ST6GALNAC3: variants seen among roughly 807,000 people sequenced by gnomAD.
ST6GALNAC3 encodes the protein alpha-N-acetylgalactosaminide alpha-2,6-sialyltransferase 3.
In ST6GALNAC3, 25 loss-of-function variants were observed where a neutral mutation model predicts 32.7. That is an observed-to-expected ratio of 0.76 (90% CI 0.56 to 1.07). The LOEUF is 1.07. Ranked by LOEUF, ST6GALNAC3 falls within the 50% of genes least tolerant of loss-of-function variation. ST6GALNAC3 has a pLI of 0.00. For synonymous variants in ST6GALNAC3, 129 were observed against 133.1 expected (o/e 0.97, Z 0.21); for missense variants, 355 against 382.4 (o/e 0.93, Z 0.60).
At chr1:76,188,987 C>T (rs898650301) in intron 1 of ST6GALNAC3, among the ~76,000 whole-genome samples, 5 of 152,164 alleles carry the variant, frequency 3.3e-5, no homozygotes, top group Non-Finnish European at 1.5e-5. Context: ...GGTGGCCACA[C>T]AGGGTCAGAG....
At chr1:76,556,952 G>A (rs1330137388) in intron 3 of ST6GALNAC3, among the ~76,000 whole-genome samples, 6 of 151,958 alleles carry the variant, frequency 3.9e-5, no homozygotes, top group African/African-American at 1.2e-4. Context: ...CTAATCCAAA[G>A]TAAGGAGTAT....
At chr1:76,567,043 A>C (rs1000129876) in intron 3 of ST6GALNAC3, among the ~76,000 whole-genome samples, 11 of 152,314 alleles carry the variant, frequency 7.2e-5, no homozygotes, top group Admixed American at 5.2e-4. Context: ...GAATGAGGAC[A>C]GGGAAGGAGG....
chr1:76,119,112 C>T (rs1648685008), intron 1 of ST6GALNAC3, among the ~76,000 whole-genome samples: 5 of 152,202 alleles, frequency 3.3e-5, no homozygotes, highest in Admixed American at 3.3e-4. Flanking sequence ...TGAGCCACTG[C>T]ACCTGGCCGA....
At chr1:76,527,208 A>G (rs1006524242) in intron 3 of ST6GALNAC3, among the ~76,000 whole-genome samples, 2 of 152,190 alleles carry the variant, frequency 1.3e-5, no homozygotes, top group African/African-American at 4.8e-5. Flanking sequence ...AGGAGCATAT[A>G]TTGCACACAG....
At chr1:76,136,552 A>C (rs1649961640) in intron 1 of ST6GALNAC3, among the ~76,000 whole-genome samples, 1 of 152,096 alleles carries the variant, frequency 6.6e-6, no homozygotes, top group Admixed American at 6.6e-5. Context: ...ACTGTTCAAC[A>C]AAGTGTGTGT....
At chr1:76,089,947 G>C (rs1332209903) in intron 1 of ST6GALNAC3, among the ~76,000 whole-genome samples, 1 of 152,156 alleles carries the variant, frequency 6.6e-6, no homozygotes, top group Non-Finnish European at 1.5e-5. Context: ...TTTATAAATG[G>C]AGACACTGGC....
At chr1:76,144,029 G>C (rs1650513456) in intron 1 of ST6GALNAC3, among the ~76,000 whole-genome samples, 1 of 152,184 alleles carries the variant, frequency 6.6e-6, no homozygotes, top group Non-Finnish European at 1.5e-5. Flanking sequence ...TACATAAGTG[G>C]ATCTGTGTAA....
intron 2 of ST6GALNAC3, among the ~76,000 whole-genome samples, chr1:76,332,654 T>A (rs1384751895): frequency 6.6e-6 from 1 of 152,158 alleles, no homozygotes; most frequent in Non-Finnish European, 1.5e-5. Context: ...GTATTTTGAA[T>A]CAATTCATGT....
chr1:76,274,208 T>A (rs1659011819), intron 1 of ST6GALNAC3, among the ~76,000 whole-genome samples: 1 of 152,242 alleles, frequency 6.6e-6, no homozygotes, highest in Admixed American at 6.5e-5. Context: ...ATTATACATT[T>A]ATATATGATT....
At chr1:76,499,842 G>A (rs1387334830) in intron 3 of ST6GALNAC3, among the ~76,000 whole-genome samples, 1 of 152,096 alleles carries the variant, frequency 6.6e-6, no homozygotes, top group African/African-American at 2.4e-5. Flanking sequence ...ATACATCTGA[G>A]AAAGTAATTG....
intron 2 of ST6GALNAC3, among the ~76,000 whole-genome samples, chr1:76,394,765 G>T (rs1008779864): frequency 6.6e-6 from 1 of 151,910 alleles, no homozygotes; most frequent in Non-Finnish European, 1.5e-5. Context: ...TAATTCATTG[G>T]CTTATTAAAT....
intron 1 of ST6GALNAC3, among the ~76,000 whole-genome samples, chr1:76,227,704 A>C (rs1253190000): frequency 2.0e-5 from 3 of 152,174 alleles, no homozygotes; most frequent in Non-Finnish European, 4.4e-5. Context: ...TTATAGTTTA[A>C]AAGTCTCTAG....
intron 3 of ST6GALNAC3, among the ~76,000 whole-genome samples, chr1:76,497,458 A>C (rs905888591): frequency 2.6e-5 from 4 of 152,220 alleles, no homozygotes; most frequent in African/African-American, 7.2e-5. Context: ...CAGAATGTGA[A>C]GAAATTAGCT....
intron 3 of ST6GALNAC3, among the ~76,000 whole-genome samples, chr1:76,593,085 G>C (rs539471296): frequency 6.6e-6 from 1 of 152,038 alleles, no homozygotes; most frequent in South Asian, 2.1e-4. Context: ...TCCTTGAGAA[G>C]GCACTTAAAG....
At chr1:76,335,661 TGTC>T (rs2100974354) in intron 2 of ST6GALNAC3, among the ~76,000 whole-genome samples, 1 of 152,354 alleles carries the variant, frequency 6.6e-6, no homozygotes, top group African/African-American at 2.4e-5. Context: ...AATAAAATGA[TGTC>T]GTTCAAGGAC....
chr1:76,277,526 G>GTATA (rs1557746771), intron 1 of ST6GALNAC3, among the ~76,000 whole-genome samples: 1 of 81,250 alleles, frequency 1.2e-5, no homozygotes, highest in Non-Finnish European at 2.2e-5. Flanking sequence ...ATATGTTTAT[G>GTATA]TGTATATATA....
chr1:76,344,532 T>A (rs1557806862), intron 2 of ST6GALNAC3, among the ~76,000 whole-genome samples: 2 of 152,212 alleles, frequency 1.3e-5, no homozygotes, highest in African/African-American at 4.8e-5. Flanking sequence ...AAGGAACTTG[T>A]TTCATCCATT....
intron 3 of ST6GALNAC3, among the ~76,000 whole-genome samples, chr1:76,574,491 C>T (rs918264714): frequency 6.6e-6 from 1 of 150,768 alleles, no homozygotes; most frequent in Admixed American, 6.6e-5. Context: ...CAGTAATTAT[C>T]AGCCTCTTTT....
chr1:76,289,102 C>A (rs1452671618), intron 1 of ST6GALNAC3, among the ~76,000 whole-genome samples: 1 of 152,156 alleles, frequency 6.6e-6, no homozygotes, highest in African/African-American at 2.4e-5. Flanking sequence ...TTCCTGAAAC[C>A]TATGTTTATA....
Sources: gnomAD v4.1 joint callset for allele counts (sites outside exome capture counted in the v4.1 genomes callset) on GRCh38, gnomAD v4.1.1 for gene constraint, MANE v1.5 for transcripts, NCBI Gene and HGNC (gene_info 2026-07-23, HGNC 2026-07-21) for gene names.